Variants in MAP2K1 observed in about 807,000 individuals in gnomAD.
MAP2K1 encodes the protein mitogen-activated protein kinase kinase 1, also known as dual specificity mitogen-activated protein kinase kinase 1.
Under a neutral mutation model 46.3 loss-of-function variants are expected in MAP2K1, and 16 were observed. The ratio of observed to expected loss-of-function variants is 0.35; its 90% CI spans 0.23 to 0.52. The LOEUF (loss-of-function observed/expected upper bound fraction) is 0.52, where lower values mean the gene tolerates loss of function less well. Ranked by LOEUF, MAP2K1 falls within the 20% of genes least tolerant of loss-of-function variation. MAP2K1 has a pLI of 0.94. For missense variants in MAP2K1, 263 were observed against 497.1 expected (o/e 0.53, Z 4.48); for synonymous variants, 183 against 185.6 (o/e 0.99, Z 0.11).
chr15:66,444,716 T>C lies in MAP2K1; in HGVS notation c.568+9T>C, dbSNP rs748379069. The C allele has an allele frequency of 8.1e-6, 13 of 1,609,060 alleles. No individual in the cohort carries two copies. The highest frequency in any genetic ancestry group is 1.7e-4 in the Middle Eastern group (1 of 6,056). On this transcript the variant is annotated intron_variant, in intron 5 of 10. Transcript: ENST00000307102. ...CAAGATCATGCACAGAGGTAAGAAG[T>C]TATTTGCTAGTTATTTTGCTTTGAA...
intron 1 of MAP2K1, 90 bp from the exon 2 acceptor site, chr15:66,434,937 G>A: frequency 1.1e-6 from 1 of 907,582 alleles, no homozygotes; most frequent in Non-Finnish European, 1.9e-6. Flanking sequence ...TCTGGCCCCA[G>A]ACCTGGAGCT....
At chr15:66,401,142 G>A (rs776644697) in intron 1 of MAP2K1, among the ~76,000 whole-genome samples, 3 of 152,120 alleles carry the variant, frequency 2.0e-5, no homozygotes, top group Admixed American at 6.5e-5. Flanking sequence ...CTAAGCAAAT[G>A]ACACTTTGTT....
chr15:66,420,920 T>C (rs1463780375), intron 1 of MAP2K1, among the ~76,000 whole-genome samples: 9 of 139,404 alleles, frequency 6.5e-5, no homozygotes, highest in African/African-American at 2.1e-4. Flanking sequence ...CACACATACA[T>C]ACATATATAT....
intron 8 of MAP2K1, among the ~76,000 whole-genome samples, chr15:66,488,012 G>C (rs537729967): frequency 1.3e-5 from 2 of 152,028 alleles, no homozygotes; most frequent in Admixed American, 1.3e-4. Flanking sequence ...TTGAGCCTCC[G>C]AGATGAAAAG....
At chr15:66,396,718 C>T (rs1364484269) in intron 1 of MAP2K1, among the ~76,000 whole-genome samples, 25 of 152,094 alleles carry the variant, frequency 1.6e-4, no homozygotes, top group Admixed American at 1.6e-3. Context: ...GAGTTTTGCT[C>T]TTGTTGCCCA....
intron 3 of MAP2K1, among the ~76,000 whole-genome samples, chr15:66,442,734 C>T (rs906504328): frequency 1.3e-5 from 2 of 152,120 alleles, no homozygotes; most frequent in African/African-American, 4.8e-5. Flanking sequence ...ATGTCAGATC[C>T]CATGGGTTCA....
At chr15:66,473,295 C>G (rs1325016076) in intron 5 of MAP2K1, among the ~76,000 whole-genome samples, 2 of 152,152 alleles carry the variant, frequency 1.3e-5, no homozygotes, top group Non-Finnish European at 2.9e-5. Context: ...AGAGATCAGG[C>G]TGGGCGTAGT....
chr15:66,470,897 A>C (rs1233019069), intron 5 of MAP2K1, among the ~76,000 whole-genome samples: 1 of 152,172 alleles, frequency 6.6e-6, no homozygotes, highest in Non-Finnish European at 1.5e-5. Flanking sequence ...GGTTTTATAC[A>C]TTTTAGGGAG....
At chr15:66,480,474 C>G (rs372904158) in intron 5 of MAP2K1, among the ~76,000 whole-genome samples, 1 of 152,088 alleles carries the variant, frequency 6.6e-6, no homozygotes, top group Non-Finnish European at 1.5e-5. Context: ...TGGTGACTCA[C>G]GCCTATAGTC....
chr15:66,481,727 C>T (rs755273055), intron 5 of MAP2K1, 28 bp from the exon 6 acceptor site: 14 of 1,609,868 alleles, frequency 8.7e-6, no homozygotes, highest in Non-Finnish European at 1.2e-5. Context: ...TGTCAGTTCC[C>T]TCCTTTTCTA....
chr15:66,477,865 C>T (rs1892793941), intron 5 of MAP2K1, among the ~76,000 whole-genome samples: 2 of 152,108 alleles, frequency 1.3e-5, no homozygotes, highest in Admixed American at 1.3e-4. Context: ...CCTTCTCAGT[C>T]TCGTTCCATT....
intron 5 of MAP2K1, among the ~76,000 whole-genome samples, chr15:66,469,085 G>A (rs34818069): frequency 1.1e-4 from 16 of 151,114 alleles, no homozygotes; most frequent in Middle Eastern, 3.5e-3. Context: ...GTGAAACCCC[G>A]TCTCTACTAA....
chr15:66,448,194 C>G (rs1490732510), intron 5 of MAP2K1, among the ~76,000 whole-genome samples: 1 of 151,194 alleles, frequency 6.6e-6, no homozygotes, highest in African/African-American at 2.4e-5. Context: ...CCCCCTTTCC[C>G]CATCCACTGG....
chr15:66,486,654 C>T (rs1008104603), intron 7 of MAP2K1, among the ~76,000 whole-genome samples: 2 of 152,180 alleles, frequency 1.3e-5, no homozygotes, highest in African/African-American at 4.8e-5. Flanking sequence ...CAGGGAATAG[C>T]CTGACCTAGC....
chr15:66,460,894 T>TTGGCCC (rs1212176978), intron 5 of MAP2K1, among the ~76,000 whole-genome samples: 33 of 152,104 alleles, frequency 2.2e-4, no homozygotes, highest in African/African-American at 7.7e-4. Flanking sequence ...AGACTTGGCC[T>TTGGCCC]TGGCCCTTCC....
chr15:66,483,701 A>G (rs1892967336), intron 6 of MAP2K1, among the ~76,000 whole-genome samples: 1 of 151,470 alleles, frequency 6.6e-6, no homozygotes. Context: ...TCCCACCAAT[A>G]TCAACCAATA....
chr15:66,465,595 T>C (rs922555630), intron 5 of MAP2K1, among the ~76,000 whole-genome samples: 11 of 152,222 alleles, frequency 7.2e-5, no homozygotes, highest in African/African-American at 2.6e-4. Context: ...TCTTCTTTCT[T>C]TGGAGGCAGA....
intron 1 of MAP2K1, among the ~76,000 whole-genome samples, chr15:66,423,171 A>G (rs1442368955): frequency 6.6e-6 from 1 of 152,192 alleles, no homozygotes; most frequent in African/African-American, 2.4e-5. Flanking sequence ...GTAATCGGCT[A>G]ATGAGCCTGT....
In MAP2K1 at chr15:66,387,338, C is replaced by A. The variant is rs1299047668; in HGVS notation, c.-10C>A. 1 of 1,556,314 alleles carries A rather than the reference C, an allele frequency of 6.4e-7. No homozygotes were observed. Among genetic ancestry groups the A allele is most frequent in the Non-Finnish European group, 8.7e-7 (1 of 1,149,392 alleles). On this transcript the variant is annotated 5_prime_UTR_variant, in exon 1 of 11. Transcript: ENST00000307102. Reference sequence around the variant, plus strand: ...CCCCCGGAGTTGGAAGCGCGTTACCCGGGTCCAAAATGCCCAAGAAGAAGC... The same window carrying A: ...CCCCCGGAGTTGGAAGCGCGTTACCAGGGTCCAAAATGCCCAAGAAGAAGC...
Sources: gnomAD v4.1 joint callset for allele counts (sites outside exome capture counted in the v4.1 genomes callset) on GRCh38, gnomAD v4.1.1 for gene constraint, MANE v1.5 for transcripts, NCBI Gene and HGNC (gene_info 2026-07-23, HGNC 2026-07-21) for gene names.